The following MCUB variants were observed in gnomAD, a reference collection of about 807,000 sequenced individuals.
MCUB encodes the protein mitochondrial calcium uniporter dominant negative subunit beta, also known as calcium uniporter regulatory subunit MCUb, mitochondrial.
A neutral mutation model predicts 41.4 loss-of-function variants in MCUB; 46 were observed. The observed-to-expected ratio is 1.11, with a 90% CI of 0.88 to 1.42. MCUB has a LOEUF of 1.42. Among genes scored for constraint, MCUB ranks in the 40% most tolerant of loss-of-function variants. The probability of loss-of-function intolerance (pLI) is 0.00; values close to 1 mark genes in which losing one functional copy is unlikely to be tolerated. For missense variants in MCUB, 403 were observed against 404.9 expected (o/e 1.00, Z 0.04); for synonymous variants, 148 against 148.2 (o/e 1.00, Z 0.01).
chr4:109,670,272 C>G (rs1228693346), intron 4 of MCUB, among the ~76,000 whole-genome samples: 1 of 152,132 alleles, frequency 6.6e-6, no homozygotes, highest in Non-Finnish European at 1.5e-5. Context: ...CTCAGCCCTT[C>G]CCCCACCCCC....
In MCUB at chr4:109,687,833, T is replaced by A; in HGVS notation, c.*241T>A. 2 of 472,096 alleles carry A rather than the reference T, an allele frequency of 4.2e-6. No homozygotes were observed. The highest frequency in any genetic ancestry group is 2.0e-5 in the African/African-American group (1 of 49,410). 29.2% of individuals were successfully genotyped at this position (472,096 alleles called of 1,614,324 possible). A position where few individuals can be genotyped will look rare whatever the true frequency, so the allele number is the denominator to read the frequency against. Reference sequence around the variant, plus strand: ...AACGGTGGCTGCTGTTAGCTAAAAATCCTTGTCAGCTTGTCCCACGTTTAT... The same window carrying A: ...AACGGTGGCTGCTGTTAGCTAAAAAACCTTGTCAGCTTGTCCCACGTTTAT... On this transcript the variant is annotated 3_prime_UTR_variant, in exon 8 of 8. Coordinates refer to ENST00000394650, the MANE Select transcript of MCUB (RefSeq NM_017918.5).
chr4:109,683,640 T>C (rs550774922), intron 5 of MCUB, among the ~76,000 whole-genome samples: 1 of 152,334 alleles, frequency 6.6e-6, no homozygotes, highest in Non-Finnish European at 1.5e-5. Context: ...TATGCACTAT[T>C]CTCATCTTTT....
At chr4:109,673,413 G>A (rs1381417332) in intron 4 of MCUB, among the ~76,000 whole-genome samples, 1 of 152,206 alleles carries the variant, frequency 6.6e-6, no homozygotes, top group African/African-American at 2.4e-5. Flanking sequence ...TGGAAGGGCT[G>A]TGTGTTGGGA....
chr4:109,684,065 C>CTT lies in MCUB; in HGVS notation c.613-364_613-363dup, dbSNP rs71595507. Among the ~76,000 whole-genome samples, 683 of 140,030 alleles carry CTT rather than the reference C, an allele frequency of 4.9e-3. 5 individuals are homozygous for CTT. The highest frequency in any genetic ancestry group is 0.014 in the East Asian group (70 of 4,882). The allele number at this position is 140,030 out of a possible 152,430, so 91.9% of individuals were successfully genotyped here. A position where few individuals can be genotyped will look rare whatever the true frequency, so the allele number is the denominator to read the frequency against. ...GCATTTGTTCAAGAGTTCCTCTTTT[C>CTT]TTTTTTTTTTTTTTTGACGCAGAGT... On this transcript the variant is annotated intron_variant, in intron 5 of 7. Coordinates refer to ENST00000394650, the MANE Select transcript of MCUB (RefSeq NM_017918.5).
chr4:109,568,090 T>G (rs1480846342), intron 1 of MCUB, among the ~76,000 whole-genome samples: 2 of 152,156 alleles, frequency 1.3e-5, no homozygotes, highest in Admixed American at 6.5e-5. Context: ...AAAATTATTT[T>G]AGAGAGTGTT....
At chr4:109,671,601 A>G (rs915051293) in intron 4 of MCUB, among the ~76,000 whole-genome samples, 2 of 151,980 alleles carry the variant, frequency 1.3e-5, no homozygotes, top group Admixed American at 1.3e-4. Flanking sequence ...CTATCTCTCC[A>G]TTTACATTAC....
intron 1 of MCUB, among the ~76,000 whole-genome samples, chr4:109,579,465 G>T (rs1197342357): frequency 6.6e-6 from 1 of 152,026 alleles, no homozygotes; most frequent in Admixed American, 6.6e-5. Flanking sequence ...GGCCAAGATG[G>T]TCTCAATCTC....
intron 1 of MCUB, among the ~76,000 whole-genome samples, chr4:109,636,633 G>A (rs1166646835): frequency 2.0e-5 from 3 of 152,120 alleles, no homozygotes; most frequent in Non-Finnish European, 4.4e-5. Flanking sequence ...TCAGGAGTTC[G>A]AGACCAACCT....
intron 1 of MCUB, among the ~76,000 whole-genome samples, chr4:109,579,282 GCT>G (rs1727110208): frequency 6.7e-6 from 1 of 149,734 alleles, no homozygotes; most frequent in Non-Finnish European, 1.5e-5. Flanking sequence ...ACGGAGTCTC[GCT>G]CTGTCACCAG....
intron 1 of MCUB, among the ~76,000 whole-genome samples, chr4:109,598,783 A>T (rs1025504441): frequency 6.6e-6 from 1 of 152,224 alleles, no homozygotes; most frequent in Middle Eastern, 3.2e-3. Context: ...TTCCTTTTAA[A>T]ATACATATAT....
Position 109,684,452 on chromosome 4 carries a change from G to A in MCUB, c.622G>A (p.Gly208Arg). ...TTTCATTCCCCCTCAGGTGAAAGCT[G>A]GAATAGAAGCTCATTCGGAAGCCAA... is the stretch of plus-strand genomic sequence containing the variant. ...QLQPLEQVKA[G>R]IEAHSEAKTS... The change falls in exon 6 of 8, where the codon GGA becomes AGA. Residue 208 changes from glycine to arginine, a missense_variant. Transcript: ENST00000394650. The A allele has an allele frequency of 1.2e-6, 2 of 1,609,772 alleles. No homozygotes were observed. Among genetic ancestry groups the A allele is most frequent in the Non-Finnish European group, 1.7e-6 (2 of 1,178,136 alleles).
intron 1 of MCUB, among the ~76,000 whole-genome samples, chr4:109,573,173 T>C (rs938685611): frequency 2.6e-5 from 4 of 152,014 alleles, no homozygotes; most frequent in African/African-American, 9.7e-5. Flanking sequence ...TAGGAACAGA[T>C]TGGGCACGGT....
At position 109,618,998 on chromosome 4, in the gene MCUB, A is replaced by G. The variant is rs573341863; in HGVS notation, c.100-40013A>G. On this transcript the variant is annotated intron_variant, in intron 1 of 7. Coordinates refer to ENST00000394650, the MANE Select transcript of MCUB (RefSeq NM_017918.5). Reference sequence around the variant, plus strand: ...TCTCTCTCTCTCTCTCTACCTACCAACCTACCTACCTACCTACCTATCTAC... The same window carrying G: ...TCTCTCTCTCTCTCTCTACCTACCAGCCTACCTACCTACCTACCTATCTAC... 5.6e-5 allele frequency among the ~76,000 whole-genome samples: 7 copies of G among 124,472 alleles called. No individual in the cohort carries two copies. In the East Asian group the frequency reaches 1.5e-3, roughly 26 times the overall value. 81.7% of individuals were successfully genotyped at this position (124,472 alleles called of 152,430 possible). A position where few individuals can be genotyped will look rare whatever the true frequency, so the allele number is the denominator to read the frequency against.
At chr4:109,573,949 T>C (rs561628878) in intron 1 of MCUB, among the ~76,000 whole-genome samples, 2 of 146,952 alleles carry the variant, frequency 1.4e-5, no homozygotes, top group African/African-American at 5.1e-5. Flanking sequence ...CTCGGCTCAC[T>C]GCAGCCTCCA....
chr4:109,584,975 TC>T, intron 1 of MCUB, among the ~76,000 whole-genome samples: 1 of 152,310 alleles, frequency 6.6e-6, no homozygotes, highest in Non-Finnish European at 1.5e-5. Flanking sequence ...GTCTGCTTGG[TC>T]CAGAGCTGAG....
rs911197944 is a variant in MCUB at position 109,688,558 on chromosome 4, G to C, written c.*966G>C. 4 of 152,162 alleles carry C rather than the reference G, an allele frequency of 2.6e-5. No individual in the cohort carries two copies. Among genetic ancestry groups the C allele is most frequent in the African/African-American group, 9.7e-5 (4 of 41,424 alleles). The allele number at this position is 152,162 out of a possible 1,614,324, so 9.4% of individuals were successfully genotyped here. A position where few individuals can be genotyped will look rare whatever the true frequency, so the allele number is the denominator to read the frequency against. On this transcript the variant is annotated 3_prime_UTR_variant, in exon 8 of 8. Transcript: ENST00000394650. Reference sequence around the variant, plus strand: ...TAGATGAAATATTAAACATTTAAATGACCGAGTAAAAAACATCTATCAATT... The same window carrying C: ...TAGATGAAATATTAAACATTTAAATCACCGAGTAAAAAACATCTATCAATT...
At chr4:109,565,051 A>G (rs1726738389) in intron 1 of MCUB, among the ~76,000 whole-genome samples, 1 of 152,238 alleles carries the variant, frequency 6.6e-6, no homozygotes, top group Non-Finnish European at 1.5e-5. Context: ...TTAACTACTT[A>G]GAACATATTT....
intron 1 of MCUB, among the ~76,000 whole-genome samples, chr4:109,580,565 T>C (rs186018375): frequency 1.1e-4 from 16 of 152,284 alleles, no homozygotes; most frequent in East Asian, 7.7e-4. Flanking sequence ...TTTTAATGAT[T>C]GCCATTCTAA....
intron 4 of MCUB, among the ~76,000 whole-genome samples, chr4:109,676,412 C>G (rs1192235970): frequency 6.6e-6 from 1 of 152,134 alleles, no homozygotes; most frequent in Non-Finnish European, 1.5e-5. Context: ...AAAGGCCAAT[C>G]TGATAAGCTC....
Sources: allele counts gnomAD v4.1 joint callset (sites outside exome capture counted in the v4.1 genomes callset), GRCh38; gene constraint gnomAD v4.1.1; transcripts MANE v1.5; gene names NCBI Gene and HGNC (gene_info 2026-07-23, HGNC 2026-07-21).